The following AIG1 variants were observed in gnomAD, a reference collection of about 807,000 sequenced individuals.
The protein encoded by AIG1 is androgen-induced gene 1 protein.
Under a neutral mutation model 31.4 loss-of-function variants are expected in AIG1, and 23 were observed. The ratio of observed to expected loss-of-function variants is 0.73; its 90% CI spans 0.53 to 1.04. The LOEUF (loss-of-function observed/expected upper bound fraction) is 1.04. AIG1 is among the 50% of genes least tolerant of loss of function. AIG1 has a pLI of 0.00. For synonymous variants in AIG1, 100 were observed against 110.5 expected (o/e 0.90, Z 0.60); for missense variants, 274 against 295.0 (o/e 0.93, Z 0.52).
At chr6:143,320,899 G>A (rs972775175) in intron 4 of AIG1, among the ~76,000 whole-genome samples, 2 of 147,044 alleles carry the variant, frequency 1.4e-5, no homozygotes, top group African/African-American at 5.0e-5. Flanking sequence ...TTGGCTCACC[G>A]CGACTTCTGT....
chr6:143,301,666 A>T (rs1017348149), intron 4 of AIG1, among the ~76,000 whole-genome samples: 1 of 152,126 alleles, frequency 6.6e-6, no homozygotes, highest in African/African-American at 2.4e-5. Context: ...GTCAGATCTC[A>T]TGAGAACTCA....
At chr6:143,076,875 G>A (rs1269569140) in intron 1 of AIG1, among the ~76,000 whole-genome samples, 1 of 152,074 alleles carries the variant, frequency 6.6e-6, no homozygotes, top group East Asian at 1.9e-4. Flanking sequence ...GTTTCACCAT[G>A]TTAGCCAGGA....
intron 3 of AIG1, among the ~76,000 whole-genome samples, chr6:143,223,694 A>G (rs1170251477): frequency 6.6e-6 from 1 of 152,214 alleles, no homozygotes; most frequent in African/African-American, 2.4e-5. Context: ...TTTGATAAAA[A>G]TTTAATTGCA....
intron 3 of AIG1, among the ~76,000 whole-genome samples, chr6:143,206,194 A>G (rs893154783): frequency 5.3e-5 from 8 of 152,360 alleles, no homozygotes; most frequent in African/African-American, 1.9e-4. Flanking sequence ...TGAATCCGTC[A>G]CTGTCCATTG....
chr6:143,158,226 G>A (rs1272942099), intron 2 of AIG1, among the ~76,000 whole-genome samples: 1 of 152,186 alleles, frequency 6.6e-6, no homozygotes, highest in East Asian at 1.9e-4. Flanking sequence ...CTCTGGCAGA[G>A]ATGACACACT....
Position 143,292,725 on chromosome 6 carries a change from AT to A in AIG1, c.515+8503del, listed in dbSNP as rs1408560201. ...AATCACTTAATCTCTATGGGCCTCA[AT>A]TTCCTTATCCGAAACAAAAAAAGCA... On this transcript the variant is annotated intron_variant, in intron 4 of 5. Transcript: ENST00000357847. The surrounding 1 kb of genome is among the most constrained non-coding windows in gnomAD (Gnocchi z 4.9). 2.0e-5 allele frequency among the ~76,000 whole-genome samples: 3 copies of A among 152,212 alleles called. No individual in the cohort carries two copies. In the East Asian group the frequency reaches 5.8e-4, roughly 29 times the overall value.
intron 3 of AIG1, among the ~76,000 whole-genome samples, chr6:143,201,861 A>G (rs1040149107): frequency 6.6e-6 from 1 of 152,210 alleles, no homozygotes; most frequent in African/African-American, 2.4e-5. Context: ...CACCTCAGGA[A>G]CTAGCAAGTT....
chr6:143,276,382 C>T (rs1796910197), intron 3 of AIG1, among the ~76,000 whole-genome samples: 1 of 152,164 alleles, frequency 6.6e-6, no homozygotes, highest in South Asian at 2.1e-4. Context: ...AAGTATTGTT[C>T]TGTCTGAACC....
At chr6:143,145,951 CAT>C (rs1354092072) in intron 2 of AIG1, among the ~76,000 whole-genome samples, 1 of 152,114 alleles carries the variant, frequency 6.6e-6, no homozygotes, top group Non-Finnish European at 1.5e-5. Flanking sequence ...CCAGTAGTAT[CAT>C]AAACAACAAC....
At chr6:143,215,544 T>A (rs910070465) in intron 3 of AIG1, among the ~76,000 whole-genome samples, 1 of 152,152 alleles carries the variant, frequency 6.6e-6, no homozygotes. Context: ...GAGGACTGTT[T>A]AACGAGAGCT....
intron 1 of AIG1, among the ~76,000 whole-genome samples, chr6:143,102,398 G>T (rs1029030623): frequency 6.7e-6 from 1 of 148,794 alleles, no homozygotes; most frequent in Non-Finnish European, 1.5e-5. Context: ...CGGAAGGGAA[G>T]GACTTAAAAC....
chr6:143,308,183 C>T (rs1799494088), intron 4 of AIG1, among the ~76,000 whole-genome samples: 1 of 152,256 alleles, frequency 6.6e-6, no homozygotes, highest in Non-Finnish European at 1.5e-5. Flanking sequence ...CCTCGCCCTG[C>T]TTCGGCTCGC....
rs144948491 is a variant in AIG1, at chr6:143,204,749, G to A, written c.399+39566G>A. Among the ~76,000 whole-genome samples the A allele has an allele frequency of 2.0e-3, 310 of 152,074 alleles. 3 individuals carry two copies. Among genetic ancestry groups the A allele is most frequent in the South Asian group, 7.1e-3 (34 of 4,812 alleles). On this transcript the variant is annotated intron_variant, in intron 3 of 5. Transcript: ENST00000357847. ...AGTCCAAATTGAGAGCAAAGGTAGAGTGATTATCTTTAGAATGGGGGAGGG... is the reference window on the plus strand; with the variant it reads ...AGTCCAAATTGAGAGCAAAGGTAGAATGATTATCTTTAGAATGGGGGAGGG...
At chr6:143,079,945 T>G (rs943950502) in intron 1 of AIG1, among the ~76,000 whole-genome samples, 17 of 152,204 alleles carry the variant, frequency 1.1e-4, no homozygotes, top group African/African-American at 3.9e-4. Context: ...ATATATGATT[T>G]GACTATTTCT....
chr6:143,140,384 T>A (rs549320196), intron 2 of AIG1, among the ~76,000 whole-genome samples: 1 of 152,344 alleles, frequency 6.6e-6, no homozygotes, highest in Non-Finnish European at 1.5e-5. Context: ...TTTCTGTCTC[T>A]AATGTTATTT....
intron 4 of AIG1, among the ~76,000 whole-genome samples, chr6:143,318,038 G>T (rs1450351469): frequency 1.3e-5 from 2 of 152,110 alleles, no homozygotes; most frequent in Non-Finnish European, 2.9e-5. Context: ...CTCATGGATA[G>T]GTAGAATCAA....
intron 4 of AIG1, among the ~76,000 whole-genome samples, chr6:143,290,452 G>A (rs970721279): frequency 6.6e-6 from 1 of 152,240 alleles, no homozygotes; most frequent in East Asian, 1.9e-4. Context: ...CATGCGCAGT[G>A]TGTTTACCGG....
chr6:143,341,362 G>T (rs965741874), downstream of AIG1, among the ~76,000 whole-genome samples: 2 of 152,072 alleles, frequency 1.3e-5, no homozygotes, highest in Admixed American at 1.3e-4. Flanking sequence ...CTCTATTATG[G>T]GTTACATTGT....
chr6:143,288,351 G>A lies in AIG1; in HGVS notation c.515+4126G>A, dbSNP rs917198386. 1.3e-5 allele frequency among the ~76,000 whole-genome samples: 2 copies of A among 152,142 alleles called. No homozygotes were observed. The highest frequency in any genetic ancestry group is 4.8e-5 in the African/African-American group (2 of 41,420). ...TTCAGGGGTTTCTCATTCAATCAGA[G>A]CCCATGTGAGATCTCAGAAGCCATG... On this transcript the variant is annotated intron_variant, in intron 4 of 5. Transcript: ENST00000357847. This position sits in a 1 kb window ranked among gnomAD's most constrained non-coding sequence, Gnocchi z 4.4.
Sources: gnomAD v4.1 joint callset for allele counts (sites outside exome capture counted in the v4.1 genomes callset) on GRCh38, gnomAD v4.1.1 for gene constraint, Gnocchi (gnomAD v3.1) non-coding constraint, MANE v1.5 for transcripts, NCBI Gene and HGNC (gene_info 2026-07-23, HGNC 2026-07-21) for gene names.